The following GFRA2 variants were observed in gnomAD, a reference collection of about 807,000 sequenced individuals.
GFRA2 encodes the protein GDNF family receptor alpha 2.
In GFRA2, 17 loss-of-function variants were observed where a neutral mutation model predicts 48.3. The ratio of observed to expected loss-of-function variants is 0.35; its 90% CI spans 0.24 to 0.53. GFRA2 has a LOEUF of 0.53. Ranked by LOEUF, GFRA2 falls within the 20% of genes least tolerant of loss-of-function variation. The pLI is 0.93. For missense variants in GFRA2, 660 were observed against 637.3 expected, an observed-to-expected ratio of 1.04 and a Z score of -0.38; for synonymous variants, 305 against 257.2, an observed-to-expected ratio of 1.19 and a Z score of -1.78.
chr8:21,750,532 G>C lies in GFRA2; in HGVS notation c.794+56C>G, dbSNP rs979146219. On this transcript the variant is annotated intron_variant, in intron 4 of 8. Coordinates refer to ENST00000524240, the MANE Select transcript of GFRA2 (RefSeq NM_001495.5). The surrounding 1 kb of genome is among the most constrained non-coding windows in gnomAD (Gnocchi z 5.7). ...AGGAATGCAGAGAAAGGAAAACACA[G>C]CCTGGCAATGCAAGCGCCCTCCTGC... 2 of 959,796 alleles carry C rather than the reference G, an allele frequency of 2.1e-6. No individual in the cohort carries two copies. Among genetic ancestry groups the C allele is most frequent in the African/African-American group, 3.2e-5 (2 of 61,562 alleles). 59.5% of individuals were successfully genotyped at this position (959,796 alleles called of 1,614,324 possible).
rs1158896561 is a variant in GFRA2, at chr8:21,702,993, G to C, written c.1046-16C>G. On this transcript the variant is annotated splice_polypyrimidine_tract_variant and intron_variant, in intron 6 of 8. Transcript: ENST00000524240. Reference sequence around the variant, plus strand: ...ATGGCGTTCCCTGGGATGGGGGTGAGGGCAGATGCAGAGAAGTCAGAACCC... The same window carrying C: ...ATGGCGTTCCCTGGGATGGGGGTGACGGCAGATGCAGAGAAGTCAGAACCC... 1.0e-5 allele frequency: 15 copies of C among 1,485,858 alleles called. No homozygotes were observed. Among genetic ancestry groups the C allele is most frequent in the Non-Finnish European group, 1.3e-5 (15 of 1,120,470 alleles). 92.0% of individuals were successfully genotyped at this position (1,485,858 alleles called of 1,614,324 possible).
chr8:21,749,235 C>T (rs1805155789), intron 4 of GFRA2, among the ~76,000 whole-genome samples: 1 of 150,902 alleles, frequency 6.6e-6, no homozygotes, highest in Non-Finnish European at 1.5e-5. Context: ...CGCCCCTCCC[C>T]CTGCAAAAAA....
At chr8:21,742,968 T>C (rs1804826392) in intron 4 of GFRA2, among the ~76,000 whole-genome samples, 1 of 152,196 alleles carries the variant, frequency 6.6e-6, no homozygotes, top group Non-Finnish European at 1.5e-5. Flanking sequence ...GAAGCATGAA[T>C]CCTATCTTGT....
At chr8:21,742,390 CAGGAAAAAGG>C (rs1804790173) in intron 4 of GFRA2, among the ~76,000 whole-genome samples, 1 of 152,140 alleles carries the variant, frequency 6.6e-6, no homozygotes, top group South Asian at 2.1e-4. Flanking sequence ...AGGACGTAAC[CAGGAAAAAGG>C]CCCTCATCAC....
Position 21,788,377 on chromosome 8 carries a change from G to C in GFRA2, c.-218C>G. 7.5e-7 allele frequency: 1 copy of C among 1,341,514 alleles called. No individual in the cohort carries two copies. Among genetic ancestry groups the C allele is most frequent in the Non-Finnish European group, 9.5e-7 (1 of 1,051,938 alleles). The allele number at this position is 1,341,514 out of a possible 1,614,324, so 83.1% of individuals were successfully genotyped here. On this transcript the variant is annotated 5_prime_UTR_variant, in exon 1 of 9. Transcript: ENST00000524240. Reference sequence around the variant, plus strand: ...GGCGGGCGATGGGCTGCTGCCTCTCGACGCCCCCCTTGCCCGCTACAATCA... The same window carrying C: ...GGCGGGCGATGGGCTGCTGCCTCTCCACGCCCCCCTTGCCCGCTACAATCA...
At chr8:21,797,286 G>GTT (rs1807694068) in intron 2 of GFRA2, among the ~76,000 whole-genome samples, 3 of 91,504 alleles carry the variant, frequency 3.3e-5, no homozygotes, top group Non-Finnish European at 4.4e-5. Context: ...TCCTTTCTTT[G>GTT]CTTTTTTTTT....
At chr8:21,766,016 AAG>A (rs1402495328) in intron 3 of GFRA2, among the ~76,000 whole-genome samples, 1 of 152,104 alleles carries the variant, frequency 6.6e-6, no homozygotes, top group Admixed American at 6.5e-5. Context: ...TCCACAGTGC[AAG>A]AGTCATCTTT....
chr8:21,757,037 A>T (rs1313357371), intron 3 of GFRA2, among the ~76,000 whole-genome samples: 1 of 152,120 alleles, frequency 6.6e-6, no homozygotes, highest in East Asian at 1.9e-4. Context: ...CAGTTAAGTC[A>T]TCCTCCCAAC....
At chr8:21,791,666 T>C (rs1807576676), upstream of GFRA2, among the ~76,000 whole-genome samples, 2 of 152,112 alleles carry the variant, frequency 1.3e-5, no homozygotes, top group African/African-American at 4.8e-5. Context: ...TTAAAAAAGA[T>C]AAACCAACGT....
At position 21,788,432 on chromosome 8, in the gene GFRA2, T is replaced by C; in HGVS notation, c.-273A>G. On this transcript the variant is annotated 5_prime_UTR_variant, in exon 1 of 9. Coordinates refer to ENST00000524240, the MANE Select transcript of GFRA2 (RefSeq NM_001495.5). The stretch of plus-strand genomic sequence containing the variant: ...TACGCGTATCTGTGTATCGGCTTTC[T>C]AAGCCAACAGCCCAGTCCTGGGGTC... 1 of 1,227,262 alleles carries C rather than the reference T, an allele frequency of 8.1e-7. No individual in the cohort carries two copies. The allele number at this position is 1,227,262 out of a possible 1,614,324, so 76.0% of individuals were successfully genotyped here.
At chr8:21,792,343 G>A (rs1195294556), upstream of GFRA2, among the ~76,000 whole-genome samples, 1 of 152,216 alleles carries the variant, frequency 6.6e-6, no homozygotes, top group Non-Finnish European at 1.5e-5. Context: ...TCGACCAGGA[G>A]TGAAAAGAAG....
At position 21,715,427 on chromosome 8, in the gene GFRA2, G is replaced by C. The variant is rs574213667; in HGVS notation, c.795-9386C>G. ...AGGTTCAGGCGATTCTTCTGCCTCA[G>C]CCTCCCAAGCAGTCGGGGCTATAGG... On this transcript the variant is annotated intron_variant, in intron 4 of 8. Coordinates refer to ENST00000524240, the MANE Select transcript of GFRA2 (RefSeq NM_001495.5). Among the ~76,000 whole-genome samples the C allele has an allele frequency of 3.9e-5, 6 of 152,330 alleles. No homozygotes were observed. The East Asian group carries it at 1.2e-3, about 29-fold the overall frequency.
rs527247743 is a variant in GFRA2 at position 21,763,950 on chromosome 8, A to AACAC, written c.439+11018_439+11021dup. ...CCTGAGCAGCCAAAGGTCACTAGGT[A>AACAC]ACACACACACACACACACACACACA... On this transcript the variant is annotated intron_variant, in intron 3 of 8. Transcript: ENST00000524240. Among the ~76,000 whole-genome samples the AACAC allele has an allele frequency of 1.3e-4, 16 of 123,488 alleles. No individual in the cohort carries two copies. The Admixed American group carries it at 1.4e-3, about 10-fold the overall frequency. 81.0% of individuals were successfully genotyped at this position (123,488 alleles called of 152,430 possible).
chr8:21,706,172 G>A (rs945527327), intron 4 of GFRA2, 131 bp from the exon 5 acceptor site: 4 of 654,014 alleles, frequency 6.1e-6, no homozygotes, highest in Non-Finnish European at 1.1e-5. Flanking sequence ...AGAGGGAGGG[G>A]AGGAAAGTCG....
At chr8:21,785,380 G>A (rs1807221184) in intron 1 of GFRA2, among the ~76,000 whole-genome samples, 1 of 152,178 alleles carries the variant, frequency 6.6e-6, no homozygotes, top group Non-Finnish European at 1.5e-5. Flanking sequence ...GACTCTTCTA[G>A]TTCATTCCAT....
Position 21,706,061 on chromosome 8 carries a change from G to A in GFRA2, c.795-20C>T, listed in dbSNP as rs1357684004. The A allele has an allele frequency of 2.2e-5, 33 of 1,492,860 alleles. No homozygotes were observed. The highest frequency in any genetic ancestry group is 5.9e-5 in the Admixed American group (3 of 51,178). 92.5% of individuals were successfully genotyped at this position (1,492,860 alleles called of 1,614,324 possible). ...CGGGACCTGGTGGTGGGTAGAAGAC[G>A]CAATAGAGAAAACAGGGGTTCAGTC... is the stretch of plus-strand genomic sequence containing the variant. On this transcript the variant is annotated intron_variant, in intron 4 of 8. Coordinates refer to ENST00000524240, the MANE Select transcript of GFRA2 (RefSeq NM_001495.5).
intron 4 of GFRA2, among the ~76,000 whole-genome samples, chr8:21,744,743 CCTT>C (rs1312330527): frequency 2.0e-5 from 3 of 152,138 alleles, no homozygotes; most frequent in African/African-American, 7.2e-5. Context: ...TTTCCAGGCT[CCTT>C]ATCAGAAGGC....
chr8:21,702,845 C>T lies in GFRA2; in HGVS notation c.1178G>A (p.Ser393Asn), dbSNP rs200388844. The change falls in exon 7 of 9, where the codon AGC becomes AAC. Residue 393 changes from serine to asparagine, a missense_variant. Coordinates refer to ENST00000524240, the MANE Select transcript of GFRA2 (RefSeq NM_001495.5). ...GGTGGTGATGACACTGGTCCCCAAG[C>T]TGGTACTGTCACTGAGGTCATCTGG... The part of the protein sequence containing the change: ...SLPDDLSDST[S>N]LGTSVITTCT... The T allele has an allele frequency of 7.0e-5, 113 of 1,610,066 alleles. No homozygotes were observed. The African/African-American group carries it at 1.0e-3, about 15-fold the overall frequency.
At chr8:21,753,682 T>G (rs942923711) in intron 3 of GFRA2, among the ~76,000 whole-genome samples, 2 of 152,236 alleles carry the variant, frequency 1.3e-5, no homozygotes, top group Non-Finnish European at 2.9e-5. Flanking sequence ...AATTTTTACT[T>G]TGATTACACA....
Sources: gnomAD v4.1 joint callset for allele counts (sites outside exome capture counted in the v4.1 genomes callset) on GRCh38, gnomAD v4.1.1 for gene constraint, Gnocchi (gnomAD v3.1) non-coding constraint, MANE v1.5 for transcripts, NCBI Gene and HGNC (gene_info 2026-07-23, HGNC 2026-07-21) for gene names.